The following TENM3 variants were observed in gnomAD, a reference collection of about 807,000 sequenced individuals.
The protein encoded by TENM3 is teneurin transmembrane protein 3.
In TENM3, 63 loss-of-function variants were observed where a neutral mutation model predicts 255.1. That is an observed-to-expected ratio of 0.25 (90% CI 0.20 to 0.30). The LOEUF (loss-of-function observed/expected upper bound fraction) is 0.30, where lower values mean the gene tolerates loss of function less well. Among genes scored for constraint, TENM3 ranks in the 10% least tolerant of loss-of-function variants. The pLI is 1.00. For synonymous variants in TENM3, 1,306 were observed against 1,322.3 expected, an observed-to-expected ratio of 0.99 and a Z score of 0.27; for missense variants, 2,929 against 3,461.1, an observed-to-expected ratio of 0.85 and a Z score of 3.86.
the TENM3 span, among the ~76,000 whole-genome samples, chr4:181,574,540 A>AT: frequency 6.6e-6 from 1 of 151,394 alleles, no homozygotes; most frequent in Non-Finnish European, 1.5e-5. Flanking sequence ...TCCGTCTCAA[A>AT]AAAAAAAAAA....
rs562737910 is a variant in TENM3 at position 182,265,303 on chromosome 4, G to T, written c.-76+21827G>T. Among the ~76,000 whole-genome samples, 486 of 152,200 alleles carry T rather than the reference G, an allele frequency of 3.2e-3. 1 individual carries two copies. The highest frequency in any genetic ancestry group is 0.011 in the African/African-American group (438 of 41,528). On this transcript the variant is annotated intron_variant, in intron 1 of 27. Coordinates refer to ENST00000511685, the MANE Select transcript of TENM3 (RefSeq NM_001080477.4). ...GTGATAGAGGGATACTTGACTCTTT[G>T]CACACTTGGATCAGAGAAGCATGTT... is the stretch of plus-strand genomic sequence containing the variant.
At chr4:182,552,169 G>A (rs1742112082) in intron 3 of TENM3, among the ~76,000 whole-genome samples, 1 of 151,984 alleles carries the variant, frequency 6.6e-6, no homozygotes, top group Non-Finnish European at 1.5e-5. Flanking sequence ...AACTTGCTGG[G>A]CATGGTGCCT....
chr4:182,160,142 A>G, intron 1 of TENM3, among the ~76,000 whole-genome samples: 1 of 149,848 alleles, frequency 6.7e-6, no homozygotes, highest in Non-Finnish European at 1.5e-5. Context: ...AGCTGGGACT[A>G]CAGGCGCCCG....
At position 182,736,917 on chromosome 4, in the gene TENM3, T is replaced by C. The variant is rs1293542333; in HGVS notation, c.3077T>C (p.Ile1026Thr). The C allele has an allele frequency of 2.5e-6, 4 of 1,613,766 alleles. No individual in the cohort carries two copies. Among genetic ancestry groups the C allele is most frequent in the African/African-American group, 1.3e-5 (1 of 74,930 alleles). The change falls in exon 17 of 28, where the codon ATT (isoleucine) becomes ACT (threonine). Residue 1026 changes from isoleucine (I) to threonine (T), a missense_variant. Coordinates refer to ENST00000511685, the MANE Select transcript of TENM3 (RefSeq NM_001080477.4). ...CTCAAGATCACCATGACCCAGTCTATTATTCCATTTAATTTAATGAAGGTT... is the reference window on the plus strand; with the variant it reads ...CTCAAGATCACCATGACCCAGTCTACTATTCCATTTAATTTAATGAAGGTT... ...SVLKITMTQS[I>T]IPFNLMKVHL...
chr4:182,590,538 CAAA>C (rs34681777), intron 3 of TENM3, among the ~76,000 whole-genome samples: 22 of 79,984 alleles, frequency 2.8e-4, no homozygotes, highest in African/African-American at 6.6e-4. Flanking sequence ...GACCCTGTCT[CAAA>C]AAAAAAAAAA....
the TENM3 span, among the ~76,000 whole-genome samples, chr4:181,511,124 G>C: frequency 1.3e-5 from 2 of 152,158 alleles, no homozygotes; most frequent in Admixed American, 1.3e-4. Context: ...GGCAGAGGAA[G>C]CCCTCATTCT....
chr4:181,636,684 C>T, the TENM3 span, among the ~76,000 whole-genome samples: 1 of 152,182 alleles, frequency 6.6e-6, no homozygotes, highest in Admixed American at 6.5e-5. Context: ...GTGCAAGCGC[C>T]CATCGTGTCT....
At chr4:182,780,209 A>T (rs568020004) in intron 24 of TENM3, among the ~76,000 whole-genome samples, 204 of 151,286 alleles carry the variant, frequency 1.3e-3, no homozygotes, top group African/African-American at 4.5e-3. Flanking sequence ...TAAGTCTTTA[A>T]TCCATCTTGA....
chr4:182,760,225 A>T (rs1044554489), intron 22 of TENM3, among the ~76,000 whole-genome samples: 1 of 152,178 alleles, frequency 6.6e-6, no homozygotes, highest in Non-Finnish European at 1.5e-5. Context: ...GCCACACGCG[A>T]TCATTCCTTA....
the TENM3 span, among the ~76,000 whole-genome samples, chr4:181,535,665 T>G: frequency 2.0e-5 from 3 of 152,182 alleles, no homozygotes; most frequent in African/African-American, 7.2e-5. Context: ...CTGCCCTTAC[T>G]TTGCCCTCAC....
At chr4:182,175,190 AT>A (rs1384259982) in intron 1 of TENM3, among the ~76,000 whole-genome samples, 11 of 151,586 alleles carry the variant, frequency 7.3e-5, no homozygotes, top group Non-Finnish European at 7.4e-5. Flanking sequence ...TTTTAAAGAG[AT>A]TTTTATTGGC....
the TENM3 span, among the ~76,000 whole-genome samples, chr4:181,988,335 G>A: frequency 2.0e-5 from 3 of 151,772 alleles, no homozygotes; most frequent in South Asian, 2.1e-4. Flanking sequence ...TCAACCTCTC[G>A]TAGCAACCCC....
At chr4:181,862,404 A>T in the TENM3 span, among the ~76,000 whole-genome samples, 105 of 152,236 alleles carry the variant, frequency 6.9e-4, no homozygotes, top group African/African-American at 2.4e-3. Context: ...ATCTGGTAAC[A>T]CACTAAAATA....
the TENM3 span, among the ~76,000 whole-genome samples, chr4:181,620,017 T>C: frequency 6.6e-6 from 1 of 152,130 alleles, no homozygotes; most frequent in African/African-American, 2.4e-5. Context: ...CTCCCTCACT[T>C]TGGGAGGCCG....
the TENM3 span, among the ~76,000 whole-genome samples, chr4:181,910,017 A>G: frequency 2.0e-5 from 3 of 152,212 alleles, no homozygotes. Context: ...TTGTTATACT[A>G]TTCATGTTAC....
In TENM3 at chr4:182,350,745, C is replaced by T. The variant is rs192742910; in HGVS notation, c.511+3816C>T. On this transcript the variant is annotated intron_variant, in intron 3 of 27. Coordinates refer to ENST00000511685, the MANE Select transcript of TENM3 (RefSeq NM_001080477.4). Reference sequence around the variant, plus strand: ...TGTCGCCCAGGCTGGAGTGCAGTGGCGTAATCTCAGCTCACTGCAACCTCT... The same window carrying T: ...TGTCGCCCAGGCTGGAGTGCAGTGGTGTAATCTCAGCTCACTGCAACCTCT... 4.2e-3 allele frequency among the ~76,000 whole-genome samples: 642 copies of T among 152,234 alleles called. 8 individuals carry two copies. Among genetic ancestry groups the T allele is most frequent in the African/African-American group, 0.015 (621 of 41,548 alleles).
chr4:182,644,142 C>G (rs901099329), intron 5 of TENM3, among the ~76,000 whole-genome samples: 1 of 152,146 alleles, frequency 6.6e-6, no homozygotes, highest in Admixed American at 6.5e-5. Flanking sequence ...GGTCTGTGTT[C>G]CCTTCACAAC....
chr4:182,763,914 A>C (rs1191952034), intron 22 of TENM3, among the ~76,000 whole-genome samples: 1 of 152,234 alleles, frequency 6.6e-6, no homozygotes, highest in Non-Finnish European at 1.5e-5. Flanking sequence ...ATCCATATCC[A>C]ATGAAAGATT....
chr4:182,760,721 C>T (rs1255392479), intron 22 of TENM3, among the ~76,000 whole-genome samples: 1 of 152,084 alleles, frequency 6.6e-6, no homozygotes, highest in Non-Finnish European at 1.5e-5. Context: ...TTTATTGTCC[C>T]TCATTCAAGC....
Sources: allele counts gnomAD v4.1 joint callset (sites outside exome capture counted in the v4.1 genomes callset), GRCh38; gene constraint gnomAD v4.1.1; transcripts MANE v1.5; gene names NCBI Gene and HGNC (gene_info 2026-07-23, HGNC 2026-07-21).